Variants in TAFA5 observed in about 807,000 individuals in gnomAD.
TAFA5 encodes the protein TAFA chemokine like family member 5.
A neutral mutation model predicts 15.3 loss-of-function variants in TAFA5; 6 were observed. The ratio of observed to expected loss-of-function variants is 0.39; its 90% CI spans 0.21 to 0.77. The LOEUF is 0.77. Among genes scored for constraint, TAFA5 ranks in the 30% least tolerant of loss-of-function variants. The pLI is 0.41. For missense variants in TAFA5, 161 were observed against 193.1 expected, an observed-to-expected ratio of 0.83 and a Z score of 0.98; for synonymous variants, 103 against 80.7, an observed-to-expected ratio of 1.28 and a Z score of -1.48.
Position 48,751,200 on chromosome 22 carries a change from C to T in TAFA5, c.*1353C>T, listed in dbSNP as rs905006264. 2 of 152,466 alleles carry T rather than the reference C, an allele frequency of 1.3e-5. No individual in the cohort carries two copies. The highest frequency in any genetic ancestry group is 2.4e-5 in the African/African-American group (1 of 41,470). The allele number at this position is 152,466 out of a possible 1,614,324, so 9.4% of individuals were successfully genotyped here. A position where few individuals can be genotyped will look rare whatever the true frequency, so the allele number is the denominator to read the frequency against. ...TTCCAATGGGTTTTGTTTCCCATTTCCTGCCCCTTTCGCCACTCACGGACC... is the reference window on the plus strand; with the variant it reads ...TTCCAATGGGTTTTGTTTCCCATTTTCTGCCCCTTTCGCCACTCACGGACC... On this transcript the variant is annotated 3_prime_UTR_variant, in exon 4 of 4. Transcript: ENST00000402357.
intron 1 of TAFA5, among the ~76,000 whole-genome samples, chr22:48,645,053 C>T (rs1281769674): frequency 6.6e-6 from 1 of 152,232 alleles, no homozygotes; most frequent in Non-Finnish European, 1.5e-5. Context: ...CAGGGCCCTG[C>T]ACAGAGGAGG....
At chr22:48,698,002 A>T (rs371066961) in intron 2 of TAFA5, among the ~76,000 whole-genome samples, 5 of 150,422 alleles carry the variant, frequency 3.3e-5, no homozygotes, top group East Asian at 4.0e-4. Context: ...GATGGTGAGC[A>T]TGATGGTGCG....
chr22:48,668,776 C>T (rs1032234694), intron 2 of TAFA5, among the ~76,000 whole-genome samples: 4 of 152,204 alleles, frequency 2.6e-5, no homozygotes, highest in Non-Finnish European at 1.5e-5. Flanking sequence ...CCCCAGCACT[C>T]AGGGCCACAG....
chr22:48,751,565 T>C lies in TAFA5; in HGVS notation c.*1718T>C, dbSNP rs767197394. On this transcript the variant is annotated 3_prime_UTR_variant, in exon 4 of 4. Coordinates refer to ENST00000402357, the MANE Select transcript of TAFA5 (RefSeq NM_001082967.3). ...GAAGATACGAAAGAAAATCCATTTA[T>C]TTAAGACCTGTTCCGGTATCCATGA... 6.6e-6 allele frequency: 1 copy of C among 152,446 alleles called. No individual in the cohort carries two copies. Among genetic ancestry groups the C allele is most frequent in the Non-Finnish European group, 1.5e-5 (1 of 68,050 alleles). 9.4% of individuals were successfully genotyped at this position (152,446 alleles called of 1,614,324 possible).
chr22:48,593,750 C>T (rs1316700747), intron 1 of TAFA5, among the ~76,000 whole-genome samples: 1 of 152,184 alleles, frequency 6.6e-6, no homozygotes. Context: ...TCCCTTAGCA[C>T]GGCCTCCCCA....
At chr22:48,629,907 G>T (rs1046058859) in intron 1 of TAFA5, among the ~76,000 whole-genome samples, 4 of 152,232 alleles carry the variant, frequency 2.6e-5, no homozygotes, top group Non-Finnish European at 5.9e-5. Flanking sequence ...GCGGGCACCT[G>T]GGAAATTGGA....
At chr22:48,505,457 G>A (rs1029628520) in intron 1 of TAFA5, among the ~76,000 whole-genome samples, 4 of 152,194 alleles carry the variant, frequency 2.6e-5, no homozygotes, top group African/African-American at 7.2e-5. Flanking sequence ...GGACCACAGT[G>A]GCTCTGTCTT....
chr22:48,704,802 C>T (rs991312099), intron 2 of TAFA5, among the ~76,000 whole-genome samples: 3 of 152,004 alleles, frequency 2.0e-5, no homozygotes, highest in Admixed American at 1.3e-4. Context: ...AGCAAAACTC[C>T]GCATACTGAG....
intron 1 of TAFA5, among the ~76,000 whole-genome samples, chr22:48,510,158 A>G (rs887150124): frequency 6.6e-6 from 1 of 152,194 alleles, no homozygotes; most frequent in African/African-American, 2.4e-5. Flanking sequence ...AAGACTCTTC[A>G]AAAGCACAGT....
chr22:48,531,942 G>C (rs1330574792), intron 1 of TAFA5, among the ~76,000 whole-genome samples: 1 of 152,200 alleles, frequency 6.6e-6, no homozygotes, highest in East Asian at 1.9e-4. Flanking sequence ...AGGACTTCAT[G>C]CCCAGCACAT....
chr22:48,677,099 A>G (rs1285620961), intron 2 of TAFA5, among the ~76,000 whole-genome samples: 1 of 152,218 alleles, frequency 6.6e-6, no homozygotes, highest in Non-Finnish European at 1.5e-5. Flanking sequence ...TTAAGACACA[A>G]TTATCTTGGA....
chr22:48,684,300 G>T (rs973636083), intron 2 of TAFA5, among the ~76,000 whole-genome samples: 1 of 152,068 alleles, frequency 6.6e-6, no homozygotes, highest in Admixed American at 6.6e-5. Context: ...GTAGAGGGAG[G>T]GCACTGTGTT....
chr22:48,730,910 C>T (rs1021104806), intron 3 of TAFA5, among the ~76,000 whole-genome samples: 1 of 152,074 alleles, frequency 6.6e-6, no homozygotes. Context: ...AAGAGGCGTC[C>T]GTCTCTCACC....
At chr22:48,648,721 C>G (rs1242138370) in intron 2 of TAFA5, among the ~76,000 whole-genome samples, 2 of 152,046 alleles carry the variant, frequency 1.3e-5, no homozygotes, top group Non-Finnish European at 2.9e-5. Flanking sequence ...ACCAGCTACT[C>G]GGGAGGCTGA....
chr22:48,575,907 A>G (rs1923763359), intron 1 of TAFA5, among the ~76,000 whole-genome samples: 2 of 136,340 alleles, frequency 1.5e-5, no homozygotes, highest in African/African-American at 2.7e-5. Flanking sequence ...CGGCCCCCTG[A>G]GCCCCGGGCC....
chr22:48,690,200 G>T (rs1294916074), intron 2 of TAFA5, among the ~76,000 whole-genome samples: 3 of 152,152 alleles, frequency 2.0e-5, no homozygotes, highest in African/African-American at 7.2e-5. Flanking sequence ...CTCCCAGCGG[G>T]TTCCTGGATG....
chr22:48,584,457 A>G (rs1477263293), intron 1 of TAFA5, among the ~76,000 whole-genome samples: 2 of 150,628 alleles, frequency 1.3e-5, no homozygotes, highest in African/African-American at 4.9e-5. Context: ...ACACGTACAC[A>G]CCACACACAA....
chr22:48,672,212 A>G (rs1018058412), intron 2 of TAFA5, among the ~76,000 whole-genome samples: 8 of 152,186 alleles, frequency 5.3e-5, no homozygotes, highest in Admixed American at 5.2e-4. Context: ...GCCTTAGCCG[A>G]TGGACTCTGG....
intron 2 of TAFA5, among the ~76,000 whole-genome samples, chr22:48,693,757 C>A (rs1412288139): frequency 6.6e-6 from 1 of 152,160 alleles, no homozygotes; most frequent in Non-Finnish European, 1.5e-5. Flanking sequence ...CTCCCCCAAC[C>A]CTCCAGCCTA....
Sources: allele counts gnomAD v4.1 joint callset (sites outside exome capture counted in the v4.1 genomes callset), GRCh38; gene constraint gnomAD v4.1.1; transcripts MANE v1.5; gene names NCBI Gene and HGNC (gene_info 2026-07-23, HGNC 2026-07-21).